The following GRIN2A variants were observed in gnomAD, a reference collection of about 807,000 sequenced individuals.
GRIN2A encodes glutamate receptor ionotropic, NMDA 2A.
A neutral mutation model predicts 113.4 loss-of-function variants in GRIN2A; 22 were observed. The ratio of observed to expected loss-of-function variants is 0.19; its 90% CI spans 0.14 to 0.28. GRIN2A has a LOEUF of 0.28. GRIN2A is among the 10% of genes least tolerant of loss of function. GRIN2A has a pLI of 1.00. For synonymous variants in GRIN2A, 827 were observed against 738.4 expected (o/e 1.12, Z -1.94); for missense variants, 1,502 against 1,887.0 (o/e 0.80, Z 3.78).
chr16:10,054,769 C>T (rs1407765245), intron 2 of GRIN2A, among the ~76,000 whole-genome samples: 1 of 151,650 alleles, frequency 6.6e-6, no homozygotes. Flanking sequence ...TAATTTGGGC[C>T]AGGCGCAGTG....
chr16:10,005,409 T>C (rs1175194912), intron 2 of GRIN2A, among the ~76,000 whole-genome samples: 1 of 152,176 alleles, frequency 6.6e-6, no homozygotes, highest in Admixed American at 6.5e-5. Context: ...TTACTCACAT[T>C]AACTGCTATT....
chr16:9,940,604 G>C (rs1353037863), intron 2 of GRIN2A, among the ~76,000 whole-genome samples: 1 of 152,184 alleles, frequency 6.6e-6, no homozygotes, highest in East Asian at 1.9e-4. Context: ...TGTGAATGAA[G>C]CCTAAAGGAC....
intron 2 of GRIN2A, among the ~76,000 whole-genome samples, chr16:9,959,027 A>T (rs2045371023): frequency 6.6e-6 from 1 of 152,164 alleles, no homozygotes. Flanking sequence ...TATGCCCCAA[A>T]TTTTTACAAC....
chr16:9,770,282 T>C (rs1901188313), intron 11 of GRIN2A, among the ~76,000 whole-genome samples: 2 of 152,230 alleles, frequency 1.3e-5, no homozygotes, highest in Admixed American at 1.3e-4. Context: ...ACATGATCTC[T>C]AAGATGTAAT....
rs954739730 is a variant in GRIN2A, at chr16:10,180,751, G to T, written c.-18-322C>A. The T allele has an allele frequency of 8.3e-6, 4 of 479,122 alleles. No individual in the cohort carries two copies. Among genetic ancestry groups the T allele is most frequent in the South Asian group, 4.2e-5 (2 of 47,514 alleles). 29.7% of individuals were successfully genotyped at this position (479,122 alleles called of 1,614,324 possible). A position where few individuals can be genotyped will look rare whatever the true frequency, so the allele number is the denominator to read the frequency against. On this transcript the variant is annotated intron_variant, in intron 1 of 12. Coordinates refer to ENST00000330684, the MANE Select transcript of GRIN2A (RefSeq NM_001134407.3). This position sits in a 1 kb window ranked among gnomAD's most constrained non-coding sequence, Gnocchi z 7.0. ...CCACCGCATTCCCCAAGTTCGCCGC[G>T]GGCCACAGACCCTAAGCGCCGCGCG... is the stretch of plus-strand genomic sequence containing the variant.
At chr16:9,938,637 G>T in intron 2 of GRIN2A, 86 bp from the exon 3 acceptor site, 1 of 885,836 alleles carries the variant, frequency 1.1e-6, no homozygotes, top group Non-Finnish European at 1.9e-6. Context: ...AGTAAGGAAA[G>T]TAAATCACAC....
chr16:10,056,691 A>G (rs139981933), intron 2 of GRIN2A, among the ~76,000 whole-genome samples: 276 of 152,248 alleles, frequency 1.8e-3, no homozygotes, highest in Non-Finnish European at 3.0e-3. Context: ...AAGGCCACAT[A>G]AATATGGAAA....
intron 2 of GRIN2A, among the ~76,000 whole-genome samples, chr16:10,028,730 G>T (rs1224114291): frequency 1.3e-5 from 2 of 152,218 alleles, no homozygotes; most frequent in Non-Finnish European, 2.9e-5. Context: ...TAAAGAGCTA[G>T]AGAGTAAATA....
At chr16:9,967,684 C>T (rs1013267979) in intron 2 of GRIN2A, among the ~76,000 whole-genome samples, 52 of 151,664 alleles carry the variant, frequency 3.4e-4, no homozygotes, top group Middle Eastern at 3.4e-3. Context: ...GCATCCTGGG[C>T]GACAGAGCGA....
intron 3 of GRIN2A, among the ~76,000 whole-genome samples, chr16:9,917,253 A>G (rs1291916538): frequency 1.3e-5 from 2 of 152,228 alleles, no homozygotes; most frequent in African/African-American, 4.8e-5. Flanking sequence ...GCCATAATAT[A>G]GTGCAATTAT....
chr16:9,834,984 A>AT (rs1023597940), intron 7 of GRIN2A, among the ~76,000 whole-genome samples: 1 of 152,124 alleles, frequency 6.6e-6, no homozygotes, highest in Non-Finnish European at 1.5e-5. Context: ...TTTTATTTTT[A>AT]TTTTTTCATG....
At chr16:10,040,700 CCA>C (rs911181622) in intron 2 of GRIN2A, among the ~76,000 whole-genome samples, 6 of 152,156 alleles carry the variant, frequency 3.9e-5, no homozygotes, top group Non-Finnish European at 8.8e-5. Context: ...CACATTCACA[CCA>C]CACATACACA....
At chr16:10,069,218 G>A (rs563334774) in intron 2 of GRIN2A, among the ~76,000 whole-genome samples, 1 of 152,306 alleles carries the variant, frequency 6.6e-6, no homozygotes, top group South Asian at 2.1e-4. Flanking sequence ...AGCTCCAGAT[G>A]GTGATGATGG....
In GRIN2A at chr16:9,763,318, G is replaced by A. The variant is rs2141125338; in HGVS notation, c.4226C>T (p.Ala1409Val). The part of the protein sequence containing the change: ...SYLRSSLRST[A>V]SYCSRDSRGH... ...CCGACTGTCCCTGGAACAGTACGAT[G>A]CCGTTGACCTCAAGGACGACCGAAG... Residue 1409 changes from alanine (A) to valine (V), a missense_variant, in exon 13 of 13, where the codon GCA becomes GTA. Physicochemically the swap from Ala to Val is moderately conservative, Grantham distance 64 (BLOSUM62 0). This residue lies in a region of GRIN2A where 832 missense variants were observed against 789.7 expected (regional missense o/e 1.05). Coordinates refer to ENST00000330684, the MANE Select transcript of GRIN2A (RefSeq NM_001134407.3). The A allele has an allele frequency of 6.2e-7, 1 of 1,614,134 alleles. No individual in the cohort carries two copies. The highest frequency in any genetic ancestry group is 8.5e-7 in the Non-Finnish European group (1 of 1,179,996).
chr16:9,828,782 C>T lies in GRIN2A; in HGVS notation c.2007+641G>A, dbSNP rs185432355. The stretch of plus-strand genomic sequence containing the variant: ...GTCTTACTGATGTGGGAAGTACAGC[C>T]CTATAAGGGAAGATTAGTGATATAT... On this transcript the variant is annotated intron_variant, in intron 9 of 12. Coordinates refer to ENST00000330684, the MANE Select transcript of GRIN2A (RefSeq NM_001134407.3). Among the ~76,000 whole-genome samples, 25 of 151,952 alleles carry T rather than the reference C, an allele frequency of 1.6e-4. No individual in the cohort carries two copies. In the East Asian group the frequency reaches 4.4e-3, roughly 27 times the overall value.
intron 2 of GRIN2A, among the ~76,000 whole-genome samples, chr16:9,991,180 G>C (rs1397292003): frequency 6.6e-6 from 1 of 152,142 alleles, no homozygotes; most frequent in African/African-American, 2.4e-5. Context: ...ACTACACTCA[G>C]CACATTATAG....
chr16:10,065,333 A>C (rs72772396), intron 2 of GRIN2A, among the ~76,000 whole-genome samples: 15,927 of 152,232 alleles, frequency 0.1, 970 homozygotes, highest in African/African-American at 0.14. Flanking sequence ...TGCAACCCAG[A>C]GCATCTACTC....
chr16:9,878,489 G>T (rs1004884250), intron 4 of GRIN2A, among the ~76,000 whole-genome samples: 1 of 152,156 alleles, frequency 6.6e-6, no homozygotes, highest in Non-Finnish European at 1.5e-5. Context: ...TGCAGAGAAT[G>T]TTGGGAGACT....
rs74008838 is a variant in GRIN2A, at chr16:9,833,583, T to G, written c.1777+522A>C. ...TGGTTTTCACCTAACAACTATTGAC[T>G]TCAGGTTATGACAAGATTAAAATAT... On this transcript the variant is annotated intron_variant, in intron 8 of 12. Transcript: ENST00000330684. 5.4e-3 allele frequency among the ~76,000 whole-genome samples: 823 copies of G among 152,344 alleles called. 8 individuals are homozygous for G. Among genetic ancestry groups the G allele is most frequent in the African/African-American group, 0.019 (774 of 41,576 alleles).
Sources: gnomAD v4.1 joint callset for allele counts (sites outside exome capture counted in the v4.1 genomes callset) on GRCh38, gnomAD v4.1.1 for gene constraint, gnomAD v4.1.1 regional missense constraint, Gnocchi (gnomAD v3.1) non-coding constraint, MANE v1.5 for transcripts, NCBI Gene and HGNC (gene_info 2026-07-23, HGNC 2026-07-21) for gene names.